The following CNPY3 variants were observed in gnomAD, a reference collection of about 807,000 sequenced individuals.
The protein encoded by CNPY3 is protein canopy homolog 3.
A neutral mutation model predicts 32.0 loss-of-function variants in CNPY3; 20 were observed. That is an observed-to-expected ratio of 0.63 (90% CI 0.44 to 0.91). The LOEUF (loss-of-function observed/expected upper bound fraction) is 0.91, where lower values mean the gene tolerates loss of function less well. Ranked by LOEUF, CNPY3 falls within the 40% of genes least tolerant of loss-of-function variation. The probability of loss-of-function intolerance (pLI) is 0.00; values close to 1 mark genes in which losing one functional copy is unlikely to be tolerated. For missense variants in CNPY3, 299 were observed against 340.8 expected (o/e 0.88, Z 0.97); for synonymous variants, 138 against 142.9 (o/e 0.97, Z 0.24).
At chr6:42,928,212 C>G (rs1160252653), upstream of CNPY3, among the ~76,000 whole-genome samples, 3 of 152,102 alleles carry the variant, frequency 2.0e-5, no homozygotes, top group African/African-American at 7.2e-5. Flanking sequence ...TGGTCTTGAA[C>G]TCCTGACCTC....
At position 42,929,560 on chromosome 6, in the gene CNPY3, C is replaced by T. The variant is rs1223078653; in HGVS notation, c.-11C>T. The T allele has an allele frequency of 6.4e-7, 1 of 1,567,826 alleles. No homozygotes were observed. ...CCGCCCGGTCCTTTAGGGTCCGGGC[C>T]CGGCCGGGCCATGGATTCAATGCCT... On this transcript the variant is annotated 5_prime_UTR_variant, in exon 1 of 6. Coordinates refer to ENST00000372836, the MANE Select transcript of CNPY3 (RefSeq NM_006586.5).
intron 1 of CNPY3, among the ~76,000 whole-genome samples, chr6:42,932,970 C>G (rs977656430): frequency 1.3e-5 from 2 of 152,104 alleles, no homozygotes; most frequent in Non-Finnish European, 2.9e-5. Flanking sequence ...ATTTATCGAG[C>G]GTCCAGCATA....
intron 1 of CNPY3, 77 bp downstream of exon 1, chr6:42,929,798 G>A: frequency 6.9e-7 from 1 of 1,458,008 alleles, no homozygotes; most frequent in East Asian, 2.5e-5. Flanking sequence ...AGCAGCGTCG[G>A]GGGTTGCAAG....
At chr6:42,929,922 G>A (rs1451267499) in intron 1 of CNPY3, among the ~76,000 whole-genome samples, 1 of 152,104 alleles carries the variant, frequency 6.6e-6, no homozygotes, top group African/African-American at 2.4e-5. Flanking sequence ...GTAGAAACAA[G>A]CAATGATAAT....
rs186632417 is a variant in CNPY3 at position 42,938,016 on chromosome 6, G to C, written c.496-74G>C. The C allele has an allele frequency of 2.7e-6, 4 of 1,487,354 alleles. No individual in the cohort carries two copies. In the African/African-American group the frequency reaches 4.1e-5, roughly 15 times the overall value. The allele number at this position is 1,487,354 out of a possible 1,614,324, so 92.1% of individuals were successfully genotyped here. A position where few individuals can be genotyped will look rare whatever the true frequency, so the allele number is the denominator to read the frequency against. On this transcript the variant is annotated intron_variant, in intron 4 of 5. Coordinates refer to ENST00000372836, the MANE Select transcript of CNPY3 (RefSeq NM_006586.5). ...CACTGCCTACCTTGCAGTGGGTTGCGAGGCTTAGCTGAGCTCCTCTAGGAG... is the reference window on the plus strand; with the variant it reads ...CACTGCCTACCTTGCAGTGGGTTGCCAGGCTTAGCTGAGCTCCTCTAGGAG...
intron 3 of CNPY3, among the ~76,000 whole-genome samples, chr6:42,937,449 C>T (rs989913889): frequency 6.6e-6 from 1 of 152,028 alleles, no homozygotes; most frequent in East Asian, 1.9e-4. Flanking sequence ...CAAAAATTAG[C>T]CGGGTATGGT....
upstream of CNPY3, among the ~76,000 whole-genome samples, chr6:42,928,446 T>C (rs1562534454): frequency 6.6e-6 from 1 of 151,702 alleles, no homozygotes; most frequent in African/African-American, 2.4e-5. Flanking sequence ...GCCTGGCCTT[T>C]TTCTTCTTCT....
chr6:42,929,162 CA>C (rs1767552889), upstream of CNPY3: 1 of 168,752 alleles, frequency 5.9e-6, no homozygotes, highest in African/African-American at 2.4e-5. Flanking sequence ...CATCTTCCAG[CA>C]CCTGCGCGCC....
At chr6:42,937,993 C>T (rs1768352673) in intron 4 of CNPY3, 97 bp from the exon 5 acceptor site, 1 of 1,453,810 alleles carries the variant, frequency 6.9e-7, no homozygotes, top group Non-Finnish European at 9.6e-7. Context: ...ACCGCTGCCA[C>T]TGCCTACCTT....
chr6:42,929,838 C>G lies in CNPY3; in HGVS notation c.151+117C>G, dbSNP rs1041001324. 3.3e-6 allele frequency: 4 copies of G among 1,196,906 alleles called. No homozygotes were observed. The African/African-American group carries it at 6.2e-5, about 18-fold the overall frequency. The allele number at this position is 1,196,906 out of a possible 1,614,324, so 74.1% of individuals were successfully genotyped here. ...CGAGCTCTGCAGGGTGTCTTCCTTC[C>G]TTGAACAGGCTTGCGCCGGGACGCT... is the stretch of plus-strand genomic sequence containing the variant. On this transcript the variant is annotated intron_variant, in intron 1 of 5. Transcript: ENST00000372836.
chr6:42,933,427 A>C (rs371657481), intron 1 of CNPY3, among the ~76,000 whole-genome samples: 3 of 152,222 alleles, frequency 2.0e-5, no homozygotes, highest in African/African-American at 7.2e-5. Flanking sequence ...AGAGGAAATG[A>C]GGAAATAAAT....
At chr6:42,928,281 C>T (rs1429204971), upstream of CNPY3, among the ~76,000 whole-genome samples, 1 of 151,684 alleles carries the variant, frequency 6.6e-6, no homozygotes, top group Non-Finnish European at 1.5e-5. Flanking sequence ...GCCACCAAGC[C>T]CGGCCTCCTC....
upstream of CNPY3, chr6:42,929,125 AGAAAGCCGCGAAG>A (rs1233598697): frequency 1.3e-5 from 2 of 159,480 alleles, no homozygotes; most frequent in African/African-American, 2.4e-5. Flanking sequence ...GAGGAGGCGG[AGAAAGCCGCGAAG>A]ACGGCCTTCC....
intron 2 of CNPY3, among the ~76,000 whole-genome samples, chr6:42,935,079 G>T (rs918627414): frequency 6.6e-6 from 1 of 152,102 alleles, no homozygotes; most frequent in Non-Finnish European, 1.5e-5. Context: ...TGTTGGTTAG[G>T]CTGGTCTCGA....
chr6:42,938,932 C>T lies in CNPY3; in HGVS notation c.*141C>T, dbSNP rs577921355. Reference sequence around the variant, plus strand: ...TGCCCTCTTCTGCCAAGGAAAGACACAAGCCCCAGGAAGAACTCAGAGCCG... The same window carrying T: ...TGCCCTCTTCTGCCAAGGAAAGACATAAGCCCCAGGAAGAACTCAGAGCCG... On this transcript the variant is annotated 3_prime_UTR_variant, in exon 6 of 6. Coordinates refer to ENST00000372836, the MANE Select transcript of CNPY3 (RefSeq NM_006586.5). 54 of 1,428,492 alleles carry T rather than the reference C, an allele frequency of 3.8e-5. No homozygotes were observed. The East Asian group carries it at 1.3e-3, about 33-fold the overall frequency. 88.5% of individuals were successfully genotyped at this position (1,428,492 alleles called of 1,614,324 possible). A position where few individuals can be genotyped will look rare whatever the true frequency, so the allele number is the denominator to read the frequency against.
intron 1 of CNPY3, among the ~76,000 whole-genome samples, chr6:42,931,450 A>G (rs1011437189): frequency 2.0e-5 from 3 of 148,428 alleles, no homozygotes; most frequent in Non-Finnish European, 4.4e-5. Flanking sequence ...GACTCGCTGC[A>G]ACCTCCGTCC....
intron 1 of CNPY3, 28 bp downstream of exon 1, chr6:42,929,749 T>TATA: frequency 6.5e-7 from 1 of 1,533,752 alleles, no homozygotes; most frequent in Non-Finnish European, 8.8e-7. Context: ...GTGGGGCGTA[T>TATA]CCTGCCGGAG....
Position 42,939,103 on chromosome 6 carries a change from A to C in CNPY3, c.*312A>C. The C allele has an allele frequency of 1.7e-6, 2 of 1,151,868 alleles. No homozygotes were observed. The highest frequency in any genetic ancestry group is 6.8e-5 in the South Asian group (2 of 29,564). 71.4% of individuals were successfully genotyped at this position (1,151,868 alleles called of 1,614,324 possible). A position where few individuals can be genotyped will look rare whatever the true frequency, so the allele number is the denominator to read the frequency against. Reference sequence around the variant, plus strand: ...TGTCAGAACTGGGCACCAGGACTGGAGCCCCCTCCGGAGACCAAACTCACC... The same window carrying C: ...TGTCAGAACTGGGCACCAGGACTGGCGCCCCCTCCGGAGACCAAACTCACC... On this transcript the variant is annotated 3_prime_UTR_variant, in exon 6 of 6. Transcript: ENST00000372836.
intron 3 of CNPY3, among the ~76,000 whole-genome samples, chr6:42,937,400 C>T (rs1449245976): frequency 1.3e-5 from 2 of 151,984 alleles, no homozygotes; most frequent in Admixed American, 1.3e-4. Context: ...GCTAGGAGTT[C>T]GAGACCAGCC....
Sources: gnomAD v4.1 joint callset for allele counts (sites outside exome capture counted in the v4.1 genomes callset) on GRCh38, gnomAD v4.1.1 for gene constraint, MANE v1.5 for transcripts, NCBI Gene and HGNC (gene_info 2026-07-23, HGNC 2026-07-21) for gene names.